ADAMTSL1: variants seen among roughly 807,000 people sequenced by gnomAD.
ADAMTSL1 encodes the protein ADAMTS like 1.
ADAMTSL1 carries 126 observed loss-of-function variants against 201.8 expected under a neutral mutation model. That is an observed-to-expected ratio of 0.62 (90% CI 0.54 to 0.72). The LOEUF (loss-of-function observed/expected upper bound fraction) is 0.72, where lower values mean the gene tolerates loss of function less well. ADAMTSL1 is among the 30% of genes least tolerant of loss of function. ADAMTSL1 has a pLI of 0.00. For missense variants in ADAMTSL1, 2,679 were observed against 2,277.8 expected, an observed-to-expected ratio of 1.18 and a Z score of -3.59; for synonymous variants, 1,121 against 903.4, an observed-to-expected ratio of 1.24 and a Z score of -4.32.
At chr9:18,845,273 C>CAA (rs112645325) in intron 23 of ADAMTSL1, among the ~76,000 whole-genome samples, 14,432 of 152,276 alleles carry the variant, frequency 0.095, 858 homozygotes, top group East Asian at 0.22. Flanking sequence ...AGGCACATGT[C>CAA]AGCCCCACAG....
At chr9:18,593,476 C>T (rs1211612576) in intron 4 of ADAMTSL1, among the ~76,000 whole-genome samples, 1 of 151,834 alleles carries the variant, frequency 6.6e-6, no homozygotes, top group East Asian at 1.9e-4. Flanking sequence ...TTTTCTAGTT[C>T]TTTAAGATGT....
intron 2 of ADAMTSL1, among the ~76,000 whole-genome samples, chr9:18,432,766 G>T (rs1302221331): frequency 1.3e-5 from 2 of 152,180 alleles, no homozygotes; most frequent in Non-Finnish European, 2.9e-5. Flanking sequence ...GATCAAGTGT[G>T]ACAACATATG....
intron 2 of ADAMTSL1, among the ~76,000 whole-genome samples, chr9:18,165,236 T>C (rs1251562976): frequency 1.3e-5 from 2 of 151,928 alleles, no homozygotes; most frequent in Non-Finnish European, 2.9e-5. Context: ...ATCTGAAATA[T>C]TTTAGCTCAT....
intron 1 of ADAMTSL1, among the ~76,000 whole-genome samples, chr9:17,969,596 A>C (rs1377106309): frequency 4.6e-5 from 7 of 152,016 alleles, no homozygotes; most frequent in Non-Finnish European, 1.0e-4. Flanking sequence ...TGAGTTGTAC[A>C]TTCTGTTTGT....
chr9:18,719,606 C>A (rs912753227), intron 14 of ADAMTSL1, among the ~76,000 whole-genome samples: 1 of 152,176 alleles, frequency 6.6e-6, no homozygotes, highest in Non-Finnish European at 1.5e-5. Context: ...TCAGGTCATC[C>A]GTCCACCCTG....
chr9:18,694,143 C>A (rs1032631554), intron 13 of ADAMTSL1, among the ~76,000 whole-genome samples: 7 of 152,102 alleles, frequency 4.6e-5, no homozygotes. Flanking sequence ...ACGAGAACAG[C>A]AAGGGAGAAA....
chr9:18,594,234 G>A (rs1287027635), intron 4 of ADAMTSL1, among the ~76,000 whole-genome samples: 1 of 151,846 alleles, frequency 6.6e-6, no homozygotes, highest in Non-Finnish European at 1.5e-5. Flanking sequence ...CCTTCCAGTT[G>A]TATTTGATCT....
rs534284771 is a variant in ADAMTSL1 at position 17,931,225 on chromosome 9, C to T, written c.87+24303C>T. ...GCCATCCTTCAGATTTGCCATTCTT[C>T]CCGACTCCACAGGATAGGAGCAGAA... is the stretch of plus-strand genomic sequence containing the variant. On this transcript the variant is annotated intron_variant, in intron 1 of 29. Transcript: ENST00000680146. Among the ~76,000 whole-genome samples the T allele has an allele frequency of 2.6e-5, 4 of 152,288 alleles. No individual in the cohort carries two copies. The South Asian group carries it at 6.2e-4, about 24-fold the overall frequency.
At chr9:18,876,651 G>A (rs1828179568) in intron 23 of ADAMTSL1, among the ~76,000 whole-genome samples, 1 of 152,126 alleles carries the variant, frequency 6.6e-6, no homozygotes, top group Non-Finnish European at 1.5e-5. Context: ...TCCTTTATGG[G>A]TTACCTGATA....
At position 18,360,292 on chromosome 9, in the gene ADAMTSL1, C is replaced by T. The variant is rs139366208; in HGVS notation, c.208-144537C>T. Among the ~76,000 whole-genome samples the T allele has an allele frequency of 1.3e-4, 20 of 152,188 alleles. No individual in the cohort carries two copies. The East Asian group carries it at 2.1e-3, about 16-fold the overall frequency. On this transcript the variant is annotated intron_variant, in intron 2 of 29. Coordinates refer to the ADAMTSL1 transcript ENST00000680146. ...TAGTAACTTGAAGACACATGATCTACGAGCTACACAAAAACATGTTGAAGG... is the reference window on the plus strand; with the variant it reads ...TAGTAACTTGAAGACACATGATCTATGAGCTACACAAAAACATGTTGAAGG...
intron 1 of ADAMTSL1, among the ~76,000 whole-genome samples, chr9:18,006,105 T>C (rs543748979): frequency 1.3e-5 from 2 of 151,972 alleles, no homozygotes; most frequent in South Asian, 2.1e-4. Context: ...AAAAGAAAGC[T>C]ACCTTATAGT....
intron 23 of ADAMTSL1, among the ~76,000 whole-genome samples, chr9:18,859,166 G>A (rs1451282508): frequency 2.0e-5 from 3 of 152,186 alleles, no homozygotes; most frequent in African/African-American, 7.2e-5. Flanking sequence ...AGTTCTGGAG[G>A]TCAGAAGTCC....
chr9:18,842,676 C>G (rs566203418), intron 23 of ADAMTSL1, among the ~76,000 whole-genome samples: 61 of 152,220 alleles, frequency 4.0e-4, no homozygotes, highest in African/African-American at 1.3e-3. Context: ...GTCTAAGTCT[C>G]TTTGTAGGTA....
At chr9:18,383,409 G>T (rs992409653) in intron 2 of ADAMTSL1, among the ~76,000 whole-genome samples, 1 of 151,980 alleles carries the variant, frequency 6.6e-6, no homozygotes. Context: ...TTTGCAAAAG[G>T]TAGGCCTAGG....
At chr9:18,076,444 T>C (rs1455386162) in intron 1 of ADAMTSL1, among the ~76,000 whole-genome samples, 2 of 152,136 alleles carry the variant, frequency 1.3e-5, no homozygotes, top group Non-Finnish European at 2.9e-5. Flanking sequence ...TGCATGATCA[T>C]AAGTGGCTAT....
intron 4 of ADAMTSL1, among the ~76,000 whole-genome samples, chr9:18,585,329 G>T (rs1186849617): frequency 6.6e-6 from 1 of 152,124 alleles, no homozygotes; most frequent in Admixed American, 6.6e-5. Context: ...AAAAATTGAT[G>T]AGTTTGTTTT....
chr9:18,505,004 G>C (rs374230656), intron 2 of ADAMTSL1, 48 bp downstream of exon 2: 10 of 1,566,760 alleles, frequency 6.4e-6, no homozygotes, highest in Non-Finnish European at 8.6e-6. Flanking sequence ...AGAGGTAGCC[G>C]GTTTGAGGCA....
At chr9:18,063,404 A>G (rs1457948048) in intron 1 of ADAMTSL1, among the ~76,000 whole-genome samples, 2 of 152,234 alleles carry the variant, frequency 1.3e-5, no homozygotes, top group African/African-American at 4.8e-5. Flanking sequence ...ACAGTTAACT[A>G]AGGGCAGACT....
Position 18,054,565 on chromosome 9 carries a change from G to T in ADAMTSL1, c.88-109297G>T, listed in dbSNP as rs140118362. Among the ~76,000 whole-genome samples, 148 of 152,294 alleles carry T rather than the reference G, an allele frequency of 9.7e-4. 1 individual carries two copies. Among genetic ancestry groups the T allele is most frequent in the African/African-American group, 3.4e-3 (142 of 41,574 alleles). ...TACATTCTAGGTCCTATTAGGCCAG[G>T]TCGACATGTTTTCTCATTGAATTAT... On this transcript the variant is annotated intron_variant, in intron 1 of 29. Transcript: ENST00000680146.
Sources: allele counts gnomAD v4.1 joint callset (sites outside exome capture counted in the v4.1 genomes callset), GRCh38; gene constraint gnomAD v4.1.1; transcripts MANE v1.5; gene names NCBI Gene and HGNC (gene_info 2026-07-23, HGNC 2026-07-21).